The following DENND3 variants were observed in gnomAD, a reference collection of about 807,000 sequenced individuals.
DENND3 encodes the protein DENN domain-containing protein 3.
Under a neutral mutation model 135.1 loss-of-function variants are expected in DENND3, and 88 were observed. That is an observed-to-expected ratio of 0.65 (90% CI 0.55 to 0.78). The LOEUF is 0.78. Ranked by LOEUF, DENND3 falls within the 30% of genes least tolerant of loss-of-function variation. The pLI, the probability that DENND3 is intolerant of heterozygous loss-of-function variation, is 0.00. For missense variants in DENND3, 1,392 were observed against 1,688.4 expected (o/e 0.82, Z 3.08); for synonymous variants, 693 against 712.3 (o/e 0.97, Z 0.43).
rs758744672 is a variant in DENND3, at chr8:141,151,814, G to C, written c.1051G>C (p.Asp351His). 6 of 1,614,142 alleles carry C rather than the reference G, an allele frequency of 3.7e-6. No homozygotes were observed. Among genetic ancestry groups the C allele is most frequent in the Non-Finnish European group, 5.1e-6 (6 of 1,180,038 alleles). The change falls in exon 7 of 23, where the codon GAC becomes CAC. Residue 351 changes from aspartate (D) to histidine (H), a missense_variant. Physicochemically the swap from Asp to His is moderately conservative, Grantham distance 81. Transcript: ENST00000519811. Reference protein sequence around the residue: ...PTSFLMGCHLDHFEEVSKEAD... With the variant: ...PTSFLMGCHLHHFEEVSKEAD... ...GTCCTTCCTGATGGGCTGCCATCTCGACCACTTCGAAGAAGTCAGCAAGGT... is the reference window on the plus strand; with the variant it reads ...GTCCTTCCTGATGGGCTGCCATCTCCACCACTTCGAAGAAGTCAGCAAGGT...
rs1159403425 is a variant in DENND3, at chr8:141,139,369, G to C, written c.501+1232G>C. 3.9e-5 allele frequency among the ~76,000 whole-genome samples: 6 copies of C among 152,312 alleles called. No individual in the cohort carries two copies. Among genetic ancestry groups the C allele is most frequent in the African/African-American group, 1.4e-4 (6 of 41,556 alleles). ...TTCTTAATGAATATGCAGGAGCAAA[G>C]CGTACTACTTGATGCTCTGAATGCA... is the stretch of plus-strand genomic sequence containing the variant. On this transcript the variant is annotated intron_variant, in intron 3 of 22. Coordinates refer to ENST00000519811, the MANE Select transcript of DENND3 (RefSeq NM_001352890.3). The surrounding 1 kb of genome is among the most constrained non-coding windows in gnomAD (Gnocchi z 4.2).
At chr8:141,155,776 A>G (rs1479906315) in intron 7 of DENND3, 73 bp from the exon 8 acceptor site, 33 of 1,493,358 alleles carry the variant, frequency 2.2e-5, no homozygotes, top group Non-Finnish European at 2.8e-5. Context: ...AAACATATTT[A>G]TGTGTTTTCA....
intron 8 of DENND3, among the ~76,000 whole-genome samples, chr8:141,160,386 C>T (rs1819991847): frequency 6.6e-6 from 1 of 152,092 alleles, no homozygotes; most frequent in Non-Finnish European, 1.5e-5. Flanking sequence ...ACCATGTTGG[C>T]CAGGCTGGTC....
intron 1 of DENND3, among the ~76,000 whole-genome samples, chr8:141,134,363 C>T (rs953759208): frequency 6.0e-5 from 9 of 151,006 alleles, no homozygotes; most frequent in Admixed American, 1.3e-4. Context: ...GGTGTGATCT[C>T]GGCTCACTGC....
intron 8 of DENND3, chr8:141,157,313 G>C: frequency 5.1e-6 from 5 of 985,434 alleles, no homozygotes; most frequent in Middle Eastern, 5.2e-4. Context: ...CGGAGGTGTT[G>C]GGTGTGCCCC....
Position 141,194,441 on chromosome 8 carries a change from G to A in DENND3, c.*208G>A, listed in dbSNP as rs932362820. 1.8e-5 allele frequency: 11 copies of A among 601,470 alleles called. No homozygotes were observed. The highest frequency in any genetic ancestry group is 3.2e-5 in the Non-Finnish European group (11 of 341,880). The allele number at this position is 601,470 out of a possible 1,614,324, so 37.3% of individuals were successfully genotyped here. On this transcript the variant is annotated 3_prime_UTR_variant, in exon 23 of 23. Transcript: ENST00000519811. The stretch of plus-strand genomic sequence containing the variant: ...GGGCCCCCTGGTTAAACTGCACCAA[G>A]GGTGTTTCCTGTTGGGGTGTGTCTC...
At chr8:141,129,999 G>A (rs1007216199) in intron 1 of DENND3, 1 of 152,208 alleles carries the variant, frequency 6.6e-6, no homozygotes, top group Admixed American at 6.6e-5. Context: ...TCCTCGCAAC[G>A]TCATCGATTG....
At chr8:141,158,961 C>T (rs1819792355) in intron 8 of DENND3, among the ~76,000 whole-genome samples, 1 of 152,192 alleles carries the variant, frequency 6.6e-6, no homozygotes, top group East Asian at 1.9e-4. Flanking sequence ...GCATCATAGC[C>T]CTTTTTACAT....
intron 5 of DENND3, chr8:141,150,181 A>C (rs1818617685): frequency 2.1e-6 from 1 of 476,108 alleles, no homozygotes; most frequent in Non-Finnish European, 3.4e-6. Flanking sequence ...ACGTGCCAGC[A>C]CCCGGGTGGC....
intron 8 of DENND3, among the ~76,000 whole-genome samples, chr8:141,159,279 C>T (rs899587809): frequency 2.0e-5 from 3 of 152,186 alleles, no homozygotes; most frequent in Admixed American, 6.5e-5. Context: ...GGTCAGGCAG[C>T]GGCAGGGGCC....
intron 8 of DENND3, chr8:141,157,882 C>T (rs1351272548): frequency 6.8e-5 from 59 of 869,852 alleles, no homozygotes; most frequent in Non-Finnish European, 7.7e-5. Context: ...GCCTCAGCCT[C>T]CGGAGTAGCC....
At chr8:141,147,553 A>T (rs575725264) in intron 5 of DENND3, among the ~76,000 whole-genome samples, 1 of 152,344 alleles carries the variant, frequency 6.6e-6, no homozygotes, top group African/African-American at 2.4e-5. Flanking sequence ...TCTTGTGGCC[A>T]GCTGTGGCTC....
chr8:141,166,508 G>A lies in DENND3; in HGVS notation c.1753+119G>A. 9.4e-7 allele frequency: 1 copy of A among 1,065,986 alleles called. No individual in the cohort carries two copies. Among genetic ancestry groups the A allele is most frequent in the Non-Finnish European group, 1.3e-6 (1 of 755,114 alleles). The allele number at this position is 1,065,986 out of a possible 1,614,324, so 66.0% of individuals were successfully genotyped here. On this transcript the variant is annotated intron_variant, in intron 12 of 22. Coordinates refer to ENST00000519811, the MANE Select transcript of DENND3 (RefSeq NM_001352890.3). The surrounding 1 kb of genome is among the most constrained non-coding windows in gnomAD (Gnocchi z 4.3). ...GACGAGTGGGCTTGTTTTAGCAGCTGAGTTATTTGAAATGTTTAGAATATT... is the reference window on the plus strand; with the variant it reads ...GACGAGTGGGCTTGTTTTAGCAGCTAAGTTATTTGAAATGTTTAGAATATT...
chr8:141,182,550 G>A lies in DENND3; in HGVS notation c.2944+1696G>A, dbSNP rs1159491725. 6 of 950,106 alleles carry A rather than the reference G, an allele frequency of 6.3e-6. No homozygotes were observed. Among genetic ancestry groups the A allele is most frequent in the Non-Finnish European group, 7.5e-6 (6 of 798,068 alleles). The allele number at this position is 950,106 out of a possible 1,614,324, so 58.9% of individuals were successfully genotyped here. ...CTCACTCTGAGCTTCCTGTTGTGAC[G>A]GGCGAGGAGTTCAGGCGGCTTCCCC... On this transcript the variant is annotated intron_variant, in intron 17 of 22. Coordinates refer to ENST00000519811, the MANE Select transcript of DENND3 (RefSeq NM_001352890.3). This position sits in a 1 kb window ranked among gnomAD's most constrained non-coding sequence, Gnocchi z 5.9.
chr8:141,144,082 C>A lies in DENND3; in HGVS notation c.624-66C>A. The A allele has an allele frequency of 7.3e-7, 1 of 1,371,586 alleles. No homozygotes were observed. The highest frequency in any genetic ancestry group is 1.0e-6 in the Non-Finnish European group (1 of 983,650). 85.0% of individuals were successfully genotyped at this position (1,371,586 alleles called of 1,614,324 possible). A position where few individuals can be genotyped will look rare whatever the true frequency, so the allele number is the denominator to read the frequency against. On this transcript the variant is annotated intron_variant, in intron 4 of 22. Coordinates refer to ENST00000519811, the MANE Select transcript of DENND3 (RefSeq NM_001352890.3). This position sits in a 1 kb window ranked among gnomAD's most constrained non-coding sequence, Gnocchi z 4.4. ...GGGGAGATTCCAGTGTGATTAGAAA[C>A]GCTAACGATGACAACTGCGTTCTCA...
intron 8 of DENND3, chr8:141,157,659 C>CT: frequency 1.0e-6 from 1 of 986,024 alleles, no homozygotes; most frequent in Non-Finnish European, 1.2e-6. Context: ...GGTTTCTGGC[C>CT]TGGCCTTTCA....
Position 141,194,091 on chromosome 8 carries a change from T to C in DENND3, c.3695T>C (p.Ile1232Thr), listed in dbSNP as rs753016261. ...QGTPKGKIYV[I>T]DAERKTVEKE... Reference sequence around the variant, plus strand: ...ACACCCAAGGGGAAAATCTACGTGATTGACGCCGAGAGGAAGACCGTGGAG... The same window carrying C: ...ACACCCAAGGGGAAAATCTACGTGACTGACGCCGAGAGGAAGACCGTGGAG... The change falls in exon 23 of 23, where the codon ATT (isoleucine) becomes ACT (threonine). Residue 1232 changes from isoleucine to threonine, a missense_variant. Transcript: ENST00000519811. 4.8e-5 allele frequency: 78 copies of C among 1,613,890 alleles called. No homozygotes were observed. The East Asian group carries it at 1.7e-3, about 35-fold the overall frequency.
intron 1 of DENND3, among the ~76,000 whole-genome samples, chr8:141,134,774 T>C (rs993123606): frequency 6.6e-6 from 1 of 152,210 alleles, no homozygotes; most frequent in East Asian, 1.9e-4. Context: ...CTTATTGGAA[T>C]GTTGAGTGTT....
chr8:141,168,247 C>G lies in DENND3; in HGVS notation c.1997C>G (p.Thr666Arg). ...TTGGACTTCCAGAATCTGTATAAAA[C>G]AGACATACGGATCTTTCCCACTGAT... ...ALLDFQNLYK[T>R]DIRIFPTDLV... The change falls in exon 13 of 23, where the codon ACA (threonine) becomes AGA (arginine). Residue 666 changes from threonine (T) to arginine (R), a missense_variant. Transcript: ENST00000519811. The surrounding 1 kb of genome is among the most constrained non-coding windows in gnomAD (Gnocchi z 6.2). The G allele has an allele frequency of 1.9e-6, 3 of 1,614,134 alleles. No individual in the cohort carries two copies. Among genetic ancestry groups the G allele is most frequent in the Non-Finnish European group, 2.5e-6 (3 of 1,180,040 alleles).
Sources: gnomAD v4.1 joint callset for allele counts (sites outside exome capture counted in the v4.1 genomes callset) on GRCh38, gnomAD v4.1.1 for gene constraint, Gnocchi (gnomAD v3.1) non-coding constraint, MANE v1.5 for transcripts, NCBI Gene and HGNC (gene_info 2026-07-23, HGNC 2026-07-21) for gene names.